CDH4: variants seen among roughly 807,000 people sequenced by gnomAD.
CDH4 encodes cadherin 4, also known as cadherin-4.
CDH4 carries 33 observed loss-of-function variants against 86.0 expected under a neutral mutation model. The observed-to-expected ratio is 0.38, with a 90% CI of 0.29 to 0.51. The LOEUF is 0.51. Ranked by LOEUF, CDH4 falls within the 20% of genes least tolerant of loss-of-function variation. CDH4 has a pLI of 0.86. For missense variants in CDH4, 1,114 were observed against 1,307.4 expected (o/e 0.85, Z 2.28); for synonymous variants, 555 against 549.4 (o/e 1.01, Z -0.14).
chr20:61,267,500 A>G (rs1327271993), intron 2 of CDH4, among the ~76,000 whole-genome samples: 1 of 152,194 alleles, frequency 6.6e-6, no homozygotes. Context: ...AGAAAGGCAA[A>G]TGAGGCACTT....
At chr20:61,853,062 T>C (rs964366805) in intron 6 of CDH4, among the ~76,000 whole-genome samples, 164 bp downstream of exon 6, 2 of 152,124 alleles carry the variant, frequency 1.3e-5, no homozygotes, top group Non-Finnish European at 2.9e-5. Flanking sequence ...AAGCCCCTGC[T>C]CTCACAGGCC....
In CDH4 at chr20:61,510,645, A is replaced by G. The variant is rs2085772825; in HGVS notation, c.170-232918A>G. 6.6e-6 allele frequency among the ~76,000 whole-genome samples: 1 copy of G among 152,006 alleles called. No homozygotes were observed. The highest frequency in any genetic ancestry group is 1.5e-5 in the Non-Finnish European group (1 of 68,010). ...GACCCATAGTGGGATTACTTGGGGG[A>G]TTGCGTTGCTGGGGAATTACTTGCT... On this transcript the variant is annotated intron_variant, in intron 2 of 15. Coordinates refer to ENST00000614565, the MANE Select transcript of CDH4 (RefSeq NM_001794.5). The surrounding 1 kb of genome is among the most constrained non-coding windows in gnomAD (Gnocchi z 4.2).
chr20:61,546,155 T>TGCGTGTGTGTG (rs79582664), intron 2 of CDH4, among the ~76,000 whole-genome samples: 13,940 of 121,344 alleles, frequency 0.11, 1,213 homozygotes, highest in Non-Finnish European at 0.13. Context: ...TTCACATTCG[T>TGCGTGTGTGTG]GAGGGTGTGT....
At chr20:61,473,727 A>G (rs1035408157) in intron 2 of CDH4, among the ~76,000 whole-genome samples, 5 of 152,126 alleles carry the variant, frequency 3.3e-5, no homozygotes, top group African/African-American at 1.2e-4. Context: ...GCGGAATGGC[A>G]TGCACACATA....
chr20:61,684,673 T>C lies in CDH4; in HGVS notation c.170-58890T>C, dbSNP rs565423268. Reference sequence around the variant, plus strand: ...GGTAGTTTCATTTTATCTCAAAGTCTTACAAACCATCTTAGCGTTTTTGTG... The same window carrying C: ...GGTAGTTTCATTTTATCTCAAAGTCCTACAAACCATCTTAGCGTTTTTGTG... On this transcript the variant is annotated intron_variant, in intron 2 of 15. Coordinates refer to ENST00000614565, the MANE Select transcript of CDH4 (RefSeq NM_001794.5). The surrounding 1 kb of genome is among the most constrained non-coding windows in gnomAD (Gnocchi z 4.5). Among the ~76,000 whole-genome samples, 200 of 152,206 alleles carry C rather than the reference T, an allele frequency of 1.3e-3. No homozygotes were observed. The highest frequency in any genetic ancestry group is 4.4e-3 in the African/African-American group (183 of 41,510).
At chr20:61,606,663 C>T (rs1480363861) in intron 2 of CDH4, among the ~76,000 whole-genome samples, 1 of 152,246 alleles carries the variant, frequency 6.6e-6, no homozygotes, top group Admixed American at 6.5e-5. Flanking sequence ...AAGTGCACCC[C>T]GCCGCTCCTC....
intron 2 of CDH4, among the ~76,000 whole-genome samples, chr20:61,360,407 G>T (rs2084777343): frequency 6.6e-6 from 1 of 152,166 alleles, no homozygotes; most frequent in African/African-American, 2.4e-5. Flanking sequence ...AGGATCCCGG[G>T]TTTGTGTCTC....
At chr20:61,367,059 A>G (rs28547292) in intron 2 of CDH4, among the ~76,000 whole-genome samples, 26,790 of 152,112 alleles carry the variant, frequency 0.18, 3,045 homozygotes, top group East Asian at 0.37. Context: ...ACAGAGAGCC[A>G]TGCCGGGACT....
At position 61,517,699 on chromosome 20, in the gene CDH4, C is replaced by T. The variant is rs915393742; in HGVS notation, c.170-225864C>T. On this transcript the variant is annotated intron_variant, in intron 2 of 15. Transcript: ENST00000614565. The surrounding 1 kb of genome is among the most constrained non-coding windows in gnomAD (Gnocchi z 6.6). Reference sequence around the variant, plus strand: ...GAGGGAATGAACAAGGAGGGGTTGTCGGACGTGTTCAGGACAGGAACAGCA... The same window carrying T: ...GAGGGAATGAACAAGGAGGGGTTGTTGGACGTGTTCAGGACAGGAACAGCA... Among the ~76,000 whole-genome samples the T allele has an allele frequency of 6.6e-6, 1 of 152,104 alleles. No homozygotes were observed. The highest frequency in any genetic ancestry group is 2.4e-5 in the African/African-American group (1 of 41,428).
chr20:61,278,258 C>A (rs902757833), intron 2 of CDH4, among the ~76,000 whole-genome samples: 2 of 152,322 alleles, frequency 1.3e-5, no homozygotes, highest in Admixed American at 1.3e-4. Flanking sequence ...ATTATATTGA[C>A]CTGCAGGAAC....
chr20:61,280,813 G>A (rs527886629), intron 2 of CDH4, among the ~76,000 whole-genome samples: 73 of 152,230 alleles, frequency 4.8e-4, no homozygotes, highest in African/African-American at 1.6e-3. Context: ...GGGGGGTTTC[G>A]ATGCTCTTGA....
chr20:61,401,265 A>C (rs967516970), intron 2 of CDH4, among the ~76,000 whole-genome samples: 1 of 152,150 alleles, frequency 6.6e-6, no homozygotes, highest in African/African-American at 2.4e-5. Flanking sequence ...TGCTCCACCA[A>C]TAAGTAGCCC....
At position 61,652,662 on chromosome 20, in the gene CDH4, C is replaced by G. The variant is rs566593850; in HGVS notation, c.170-90901C>G. ...CTTCCATATCATCTTCAGAAAAACC[C>G]GATTCCATACATCCCCACCATTGGC... On this transcript the variant is annotated intron_variant, in intron 2 of 15. Transcript: ENST00000614565. Among the ~76,000 whole-genome samples the G allele has an allele frequency of 2.0e-5, 3 of 151,896 alleles. No homozygotes were observed. In the East Asian group the frequency reaches 5.8e-4, roughly 29 times the overall value.
chr20:61,706,914 G>A (rs1401505414), intron 2 of CDH4, among the ~76,000 whole-genome samples: 2 of 152,242 alleles, frequency 1.3e-5, no homozygotes, highest in East Asian at 3.8e-4. Context: ...CTGAAGAGAG[G>A]CGTCTGTGGC....
At chr20:61,291,311 C>T (rs538772021) in intron 2 of CDH4, among the ~76,000 whole-genome samples, 5 of 152,224 alleles carry the variant, frequency 3.3e-5, no homozygotes, top group Non-Finnish European at 7.3e-5. Flanking sequence ...GACAGGATCA[C>T]CCCGGCGGGT....
intron 2 of CDH4, among the ~76,000 whole-genome samples, chr20:61,674,349 G>C (rs1474398182): frequency 6.6e-6 from 1 of 152,230 alleles, no homozygotes; most frequent in Non-Finnish European, 1.5e-5. Flanking sequence ...AGGGCGTCCA[G>C]ACCAGGGCCC....
intron 2 of CDH4, among the ~76,000 whole-genome samples, chr20:61,499,775 G>C (rs2085687318): frequency 6.6e-6 from 1 of 152,138 alleles, no homozygotes; most frequent in Non-Finnish European, 1.5e-5. Flanking sequence ...GCAAGGCTTT[G>C]GGGACGATGA....
At chr20:61,344,983 G>A (rs2060328714) in intron 2 of CDH4, among the ~76,000 whole-genome samples, 1 of 152,210 alleles carries the variant, frequency 6.6e-6, no homozygotes, top group African/African-American at 2.4e-5. Context: ...ACTGTGCTGT[G>A]TTCTGAGTGA....
chr20:61,317,126 C>T (rs994740980), intron 2 of CDH4, among the ~76,000 whole-genome samples: 3 of 151,912 alleles, frequency 2.0e-5, no homozygotes, highest in African/African-American at 7.3e-5. Flanking sequence ...TGCCTGTGAT[C>T]CCGGCACTTT....
Sources: gnomAD v4.1 joint callset for allele counts (sites outside exome capture counted in the v4.1 genomes callset) on GRCh38, gnomAD v4.1.1 for gene constraint, Gnocchi (gnomAD v3.1) non-coding constraint, MANE v1.5 for transcripts, NCBI Gene and HGNC (gene_info 2026-07-23, HGNC 2026-07-21) for gene names.